Variants in FASLG observed in about 807,000 individuals in gnomAD.
FASLG encodes the protein Fas ligand, also known as tumor necrosis factor ligand superfamily member 6.
Under a neutral mutation model 24.6 loss-of-function variants are expected in FASLG, and 9 were observed. The observed-to-expected ratio is 0.37, with a 90% CI of 0.22 to 0.64. The LOEUF (loss-of-function observed/expected upper bound fraction) is 0.64. FASLG is among the 30% of genes least tolerant of loss of function. The probability of loss-of-function intolerance (pLI) is 0.64; values close to 1 mark genes in which losing one functional copy is unlikely to be tolerated. For synonymous variants in FASLG, 130 were observed against 135.5 expected (o/e 0.96, Z 0.28); for missense variants, 306 against 345.3 (o/e 0.89, Z 0.90).
At chr1:172,665,324 C>T (rs953158480) in intron 3 of FASLG, among the ~76,000 whole-genome samples, 10 of 152,178 alleles carry the variant, frequency 6.6e-5, no homozygotes, top group African/African-American at 2.4e-4. Context: ...AGATTTGGTG[C>T]TAGTTCTGAA....
intron 2 of FASLG, among the ~76,000 whole-genome samples, chr1:172,660,864 A>G (rs1339313975): frequency 6.6e-6 from 1 of 152,236 alleles, no homozygotes; most frequent in Non-Finnish European, 1.5e-5. Flanking sequence ...CTCTGTACAG[A>G]TAGATTTTAC....
Position 172,665,962 on chromosome 1 carries a change from C to G in FASLG, c.792C>G (p.Leu264=). 6.2e-7 allele frequency: 1 copy of G among 1,614,010 alleles called. No homozygotes were observed. Among genetic ancestry groups the G allele is most frequent in the Non-Finnish European group, 8.5e-7 (1 of 1,179,936 alleles). ...ATTTATATGTCAACGTATCTGAGCT[C>G]TCTCTGGTCAATTTTGAGGAATCTC... ...ADHLYVNVSE[L]SLVNFEESQT... Residue 264 remains leucine (L), a synonymous_variant, in exon 4 of 4, where the codon CTC becomes CTG. Transcript: ENST00000367721.
intron 2 of FASLG, among the ~76,000 whole-genome samples, chr1:172,661,935 T>G (rs1659151977): frequency 6.6e-6 from 1 of 152,114 alleles, no homozygotes; most frequent in Admixed American, 6.5e-5. Context: ...CGCTAAGAAT[T>G]TATCTTAAGA....
Position 172,666,319 on chromosome 1 carries a change from G to C in FASLG, c.*303G>C, listed in dbSNP as rs1659264075. 2.7e-6 allele frequency: 1 copy of C among 367,282 alleles called. No homozygotes were observed. Among genetic ancestry groups the C allele is most frequent in the Admixed American group, 3.8e-5 (1 of 26,486 alleles). 22.8% of individuals were successfully genotyped at this position (367,282 alleles called of 1,614,324 possible). A position where few individuals can be genotyped will look rare whatever the true frequency, so the allele number is the denominator to read the frequency against. The stretch of plus-strand genomic sequence containing the variant: ...TCATCTTAGTGCCTGAGAGTATTTA[G>C]GCAGATTGAAAAGGACACCTTTTAA... On this transcript the variant is annotated 3_prime_UTR_variant, in exon 4 of 4. Transcript: ENST00000367721.
rs760032192 is a variant in FASLG at position 172,665,732 on chromosome 1, C to G, written c.562C>G (p.Leu188Val). ...KGGLVINETG[L>V]YFVYSKVYFR... Reference sequence around the variant, plus strand: ...TGGCCTTGTGATCAATGAAACTGGGCTGTACTTTGTATATTCCAAAGTATA... The same window carrying G: ...TGGCCTTGTGATCAATGAAACTGGGGTGTACTTTGTATATTCCAAAGTATA... The change falls in exon 4 of 4, where the codon CTG becomes GTG. Residue 188 changes from leucine (L) to valine (V), a missense_variant. By Grantham distance (32) the Leu-to-Val change is conservative (BLOSUM62 1). Transcript: ENST00000367721. 1 of 1,614,172 alleles carries G rather than the reference C, an allele frequency of 6.2e-7. No homozygotes were observed. The highest frequency in any genetic ancestry group is 8.5e-7 in the Non-Finnish European group (1 of 1,180,034).
chr1:172,664,532 T>A, intron 3 of FASLG, 142 bp downstream of exon 3: 1 of 816,864 alleles, frequency 1.2e-6, no homozygotes, highest in Non-Finnish European at 2.1e-6. Flanking sequence ...AACACTTTTC[T>A]TGTCGAGTCA....
At chr1:172,663,273 G>A (rs1173394986) in intron 2 of FASLG, among the ~76,000 whole-genome samples, 1 of 152,106 alleles carries the variant, frequency 6.6e-6, no homozygotes, top group Non-Finnish European at 1.5e-5. Flanking sequence ...GGCTTCTCTG[G>A]TGAACTCAAC....
chr1:172,664,231 C>G, intron 2 of FASLG, 103 bp from the exon 3 acceptor site: 1 of 1,222,446 alleles, frequency 8.2e-7, no homozygotes, highest in Non-Finnish European at 1.2e-6. Flanking sequence ...TTGCCATTTA[C>G]GGTTTTAAAA....
At chr1:172,664,530 T>C (rs1659210592) in intron 3 of FASLG, 140 bp downstream of exon 3, 1 of 815,018 alleles carries the variant, frequency 1.2e-6, no homozygotes, top group Non-Finnish European at 2.1e-6. Context: ...CTAACACTTT[T>C]CTTGTCGAGT....
At chr1:172,662,625 T>A (rs1243817406) in intron 2 of FASLG, among the ~76,000 whole-genome samples, 1 of 143,968 alleles carries the variant, frequency 6.9e-6, no homozygotes, top group Non-Finnish European at 1.5e-5. Flanking sequence ...GTGCATGTGC[T>A]GTGGAGTGGG....
chr1:172,660,478 A>G (rs1033407678), intron 2 of FASLG, among the ~76,000 whole-genome samples: 1 of 152,218 alleles, frequency 6.6e-6, no homozygotes, highest in Non-Finnish European at 1.5e-5. Flanking sequence ...TGGTCCTGGC[A>G]CACACGCCAG....
rs910198709 is a variant in FASLG, at chr1:172,666,372, C to T, written c.*356C>T. 2 of 237,636 alleles carry T rather than the reference C, an allele frequency of 8.4e-6. No individual in the cohort carries two copies. Among genetic ancestry groups the T allele is most frequent in the African/African-American group, 2.2e-5 (1 of 45,158 alleles). 14.7% of individuals were successfully genotyped at this position (237,636 alleles called of 1,614,324 possible). A position where few individuals can be genotyped will look rare whatever the true frequency, so the allele number is the denominator to read the frequency against. The stretch of plus-strand genomic sequence containing the variant: ...CACCTCTCAAGGTGGGCCTTGCTAC[C>T]TCAAGGGGGACTGTCTTTCAGATAC... On this transcript the variant is annotated 3_prime_UTR_variant, in exon 4 of 4. Transcript: ENST00000367721.
chr1:172,663,418 A>G (rs1448554370), intron 2 of FASLG, among the ~76,000 whole-genome samples: 1 of 152,156 alleles, frequency 6.6e-6, no homozygotes, highest in African/African-American at 2.4e-5. Context: ...GGCAGATCAT[A>G]TTTGATCAAA....
Position 172,665,979 on chromosome 1 carries a change from A to T in FASLG, c.809A>T (p.Glu270Val). 1 of 1,614,106 alleles carries T rather than the reference A, an allele frequency of 6.2e-7. No individual in the cohort carries two copies. Among genetic ancestry groups the T allele is most frequent in the Non-Finnish European group, 8.5e-7 (1 of 1,179,998 alleles). The change falls in exon 4 of 4, where the codon GAG becomes GTG. Residue 270 changes from glutamate (E) to valine (V), a missense_variant. Transcript: ENST00000367721. ...NVSELSLVNF[E>V]ESQTFFGLYK... Reference sequence around the variant, plus strand: ...TCTGAGCTCTCTCTGGTCAATTTTGAGGAATCTCAGACGTTTTTCGGCTTA... The same window carrying T: ...TCTGAGCTCTCTCTGGTCAATTTTGTGGAATCTCAGACGTTTTTCGGCTTA...
In FASLG at chr1:172,659,384, A is replaced by G. The variant is rs755282797; in HGVS notation, c.183A>G (p.Pro61=). ...CACTACCACCTCCGCCGCCGCCGCC[A>G]CCACTGCCTCCACTACCGCTGCCAC... ...PPPLPPPPPP[P]PLPPLPLPPL... Residue 61 remains proline (P), a synonymous_variant, in exon 1 of 4, where the codon CCA becomes CCG. Coordinates refer to ENST00000367721, the MANE Select transcript of FASLG (RefSeq NM_000639.3). 2 of 1,611,060 alleles carry G rather than the reference A, an allele frequency of 1.2e-6. No homozygotes were observed. The highest frequency in any genetic ancestry group is 1.7e-6 in the Non-Finnish European group (2 of 1,178,682).
In FASLG at chr1:172,659,190, T is replaced by A; in HGVS notation, c.-12T>A. ...AACCGTTTGCTGGGGCTGGCCTGAC[T>A]CACCAGCTGCCATGCAGCAGCCCTT... is the stretch of plus-strand genomic sequence containing the variant. On this transcript the variant is annotated 5_prime_UTR_variant, in exon 1 of 4. Transcript: ENST00000367721. 6.2e-7 allele frequency: 1 copy of A among 1,614,150 alleles called. No individual in the cohort carries two copies. The highest frequency in any genetic ancestry group is 2.2e-5 in the East Asian group (1 of 44,884).
chr1:172,661,211 T>C (rs979117305), intron 2 of FASLG, among the ~76,000 whole-genome samples: 7 of 152,166 alleles, frequency 4.6e-5, no homozygotes, highest in Admixed American at 3.3e-4. Flanking sequence ...GCAAAGACTA[T>C]AGGTAGATCT....
At chr1:172,660,425 C>G (rs1419241722) in intron 2 of FASLG, among the ~76,000 whole-genome samples, 4 of 152,198 alleles carry the variant, frequency 2.6e-5, no homozygotes, top group Non-Finnish European at 1.5e-5. Context: ...GACCTTTGCC[C>G]CCTGAGAAGT....
Position 172,665,667 on chromosome 1 carries a change from A to G in FASLG, c.497A>G (p.Tyr166Cys), listed in dbSNP as rs760432021. 4.0e-5 allele frequency: 64 copies of G among 1,614,068 alleles called. No individual in the cohort carries two copies. Among genetic ancestry groups the G allele is most frequent in the Non-Finnish European group, 5.4e-5 (64 of 1,180,046 alleles). ...RSMPLEWEDTYGIVLLSGVKY... is the reference protein window; with the variant it reads ...RSMPLEWEDTCGIVLLSGVKY... ...ATGCCTCTGGAATGGGAAGACACCTATGGAATTGTCCTGCTTTCTGGAGTG... is the reference window on the plus strand; with the variant it reads ...ATGCCTCTGGAATGGGAAGACACCTGTGGAATTGTCCTGCTTTCTGGAGTG... Residue 166 changes from tyrosine to cysteine, a missense_variant, in exon 4 of 4, where the codon TAT (tyrosine) becomes TGT (cysteine). Transcript: ENST00000367721.
Sources: allele counts gnomAD v4.1 joint callset (sites outside exome capture counted in the v4.1 genomes callset), GRCh38; gene constraint gnomAD v4.1.1; transcripts MANE v1.5; gene names NCBI Gene and HGNC (gene_info 2026-07-23, HGNC 2026-07-21).